The following ABCD3 variants were observed in gnomAD, a reference collection of about 807,000 sequenced individuals.
ABCD3 encodes ATP binding cassette subfamily D member 3, also known as ATP-binding cassette sub-family D member 3.
In ABCD3, 41 loss-of-function variants were observed where a neutral mutation model predicts 105.5. That is an observed-to-expected ratio of 0.39 (90% CI 0.30 to 0.50). The LOEUF is 0.50. ABCD3 is among the 20% of genes least tolerant of loss of function. The pLI is 0.84. For synonymous variants in ABCD3, 258 were observed against 269.0 expected, an observed-to-expected ratio of 0.96 and a Z score of 0.40; for missense variants, 622 against 806.3, an observed-to-expected ratio of 0.77 and a Z score of 2.77.
intron 1 of ABCD3, among the ~76,000 whole-genome samples, chr1:94,419,582 A>G (rs944107215): frequency 5.3e-5 from 8 of 152,204 alleles, no homozygotes; most frequent in African/African-American, 1.9e-4. Flanking sequence ...TACTACTTTC[A>G]TGAATTTTAT....
intron 21 of ABCD3, 70 bp from the exon 22 acceptor site, chr1:94,515,057 GACTGTCCTCTTAACAGCTT>G: frequency 9.7e-7 from 1 of 1,030,096 alleles, no homozygotes; most frequent in Non-Finnish European, 1.5e-6. Flanking sequence ...AGTCACTGAA[GACTGTCCTCTTAACAGCTT>G]AAAGTACATG....
the ABCD3 span, among the ~76,000 whole-genome samples, chr1:94,386,719 T>C: frequency 6.6e-6 from 1 of 152,172 alleles, no homozygotes; most frequent in African/African-American, 2.4e-5. Flanking sequence ...GTCAGTTGAG[T>C]ATTTGATGAC....
chr1:94,456,070 A>C (rs1268816266), intron 1 of ABCD3, among the ~76,000 whole-genome samples: 1 of 151,722 alleles, frequency 6.6e-6, no homozygotes, highest in Non-Finnish European at 1.5e-5. Context: ...CTTTTGACCA[A>C]CTTTTCCCCA....
At chr1:94,486,750 A>T (rs752093238) in intron 10 of ABCD3, among the ~76,000 whole-genome samples, 4 of 152,240 alleles carry the variant, frequency 2.6e-5, no homozygotes. Flanking sequence ...AAAGTGAAGG[A>T]GTCACAAAAT....
At chr1:94,441,073 G>T (rs529228376) in intron 1 of ABCD3, among the ~76,000 whole-genome samples, 15 of 151,568 alleles carry the variant, frequency 9.9e-5, no homozygotes, top group African/African-American at 3.6e-4. Flanking sequence ...GCTTTTGTAA[G>T]TGTGATTCAA....
At chr1:94,460,420 C>T (rs1247633134) in intron 2 of ABCD3, among the ~76,000 whole-genome samples, 1 of 152,096 alleles carries the variant, frequency 6.6e-6, no homozygotes, top group Non-Finnish European at 1.5e-5. Context: ...GTGACTACAT[C>T]CAACTATAGC....
intron 1 of ABCD3, among the ~76,000 whole-genome samples, chr1:94,430,506 A>G (rs1037665156): frequency 9.9e-5 from 15 of 152,126 alleles, no homozygotes; most frequent in African/African-American, 3.4e-4. Context: ...TGTTCTAGTG[A>G]TAGTGAATAA....
intron 1 of ABCD3, among the ~76,000 whole-genome samples, chr1:94,450,601 A>G (rs1440214295): frequency 2.6e-5 from 4 of 152,248 alleles, no homozygotes; most frequent in Non-Finnish European, 4.4e-5. Context: ...TAGTTAATCT[A>G]TAGAAACAAT....
chr1:94,493,669 A>G (rs1649646644), intron 16 of ABCD3, among the ~76,000 whole-genome samples: 1 of 152,092 alleles, frequency 6.6e-6, no homozygotes, highest in Non-Finnish European at 1.5e-5. Flanking sequence ...CACTATTCAC[A>G]ATAGCAAAGA....
intron 20 of ABCD3, among the ~76,000 whole-genome samples, chr1:94,505,512 C>T (rs551055980): frequency 6.6e-6 from 1 of 151,868 alleles, no homozygotes; most frequent in African/African-American, 2.4e-5. Context: ...CTGTGCCTGG[C>T]TGATATTTTT....
At chr1:94,501,157 G>T (rs1260156303) in intron 20 of ABCD3, among the ~76,000 whole-genome samples, 5 of 151,664 alleles carry the variant, frequency 3.3e-5, no homozygotes, top group Non-Finnish European at 7.4e-5. Context: ...GAGCAGTGGG[G>T]GGCTGAGGCG....
intron 3 of ABCD3, 34 bp from the exon 4 acceptor site, chr1:94,467,885 A>C (rs561652938): frequency 6.9e-7 from 1 of 1,457,746 alleles, no homozygotes; most frequent in African/African-American, 1.4e-5. Flanking sequence ...TCTAAAATGC[A>C]TGTATTTAAT....
In ABCD3 at chr1:94,466,796, G is replaced by T. The variant is rs948894809; in HGVS notation, c.247-1123G>T. On this transcript the variant is annotated intron_variant, in intron 3 of 22. Coordinates refer to ENST00000370214, the MANE Select transcript of ABCD3 (RefSeq NM_002858.4). ...ATTTTAACTATTGCAGGGGTTCAAT[G>T]AATGTAAAACAAATTTGAAACATTG... 2.6e-5 allele frequency among the ~76,000 whole-genome samples: 4 copies of T among 152,148 alleles called. No individual in the cohort carries two copies. In the East Asian group the frequency reaches 7.7e-4, roughly 29 times the overall value.
chr1:94,443,818 A>G (rs1357790733), intron 1 of ABCD3, among the ~76,000 whole-genome samples: 1 of 152,038 alleles, frequency 6.6e-6, no homozygotes, highest in Non-Finnish European at 1.5e-5. Context: ...AGGGTTCTGT[A>G]TTGTGTTTGT....
chr1:94,438,282 T>TCACACACA (rs143373197), intron 1 of ABCD3, among the ~76,000 whole-genome samples: 42 of 116,484 alleles, frequency 3.6e-4, no homozygotes, highest in Admixed American at 5.6e-4. Flanking sequence ...CAAGACTCCA[T>TCACACACA]CACACACACA....
intron 1 of ABCD3, chr1:94,419,329 G>A (rs1309011929): frequency 2.0e-6 from 2 of 985,248 alleles, no homozygotes; most frequent in Non-Finnish European, 2.4e-6. Context: ...TTTAGGTGAG[G>A]ATCAAGCTCC....
At chr1:94,454,729 G>A (rs1165798373) in intron 1 of ABCD3, among the ~76,000 whole-genome samples, 1 of 152,190 alleles carries the variant, frequency 6.6e-6, no homozygotes, top group Non-Finnish European at 1.5e-5. Context: ...TTGGCCCACT[G>A]CAACCTCTGC....
At chr1:94,412,773 G>C in the ABCD3 span, among the ~76,000 whole-genome samples, 1 of 152,118 alleles carries the variant, frequency 6.6e-6, no homozygotes, top group Non-Finnish European at 1.5e-5. Flanking sequence ...CCACACTTTG[G>C]GGTCTTTGCC....
Position 94,455,835 on chromosome 1 carries a change from A to T in ABCD3, c.111-2772A>T, listed in dbSNP as rs112451458. The T allele has an allele frequency of 2.3e-6, 3 of 1,277,092 alleles. No homozygotes were observed. The East Asian group carries it at 1.7e-4, about 72-fold the overall frequency. The allele number at this position is 1,277,092 out of a possible 1,614,324, so 79.1% of individuals were successfully genotyped here. ...TGTGTGTGTACATGTGTATATATAT[A>T]TTTTTGTGAGCATCGTACTGCATGA... On this transcript the variant is annotated intron_variant, in intron 1 of 22. Coordinates refer to ENST00000370214, the MANE Select transcript of ABCD3 (RefSeq NM_002858.4).
Sources: allele counts gnomAD v4.1 joint callset (sites outside exome capture counted in the v4.1 genomes callset), GRCh38; gene constraint gnomAD v4.1.1; transcripts MANE v1.5; gene names NCBI Gene and HGNC (gene_info 2026-07-23, HGNC 2026-07-21).